TNFRSF10B: variants seen among roughly 807,000 people sequenced by gnomAD.
TNFRSF10B encodes the protein TNF receptor superfamily member 10b, also known as tumor necrosis factor receptor superfamily member 10B.
In TNFRSF10B, 35 loss-of-function variants were observed where a neutral mutation model predicts 41.4. The observed-to-expected ratio is 0.85, with a 90% CI of 0.65 to 1.12. The LOEUF is 1.12. Ranked by LOEUF, TNFRSF10B falls within the 50% of genes most tolerant of loss-of-function variation. The probability of loss-of-function intolerance (pLI) is 0.00; values close to 1 mark genes in which losing one functional copy is unlikely to be tolerated. For synonymous variants in TNFRSF10B, 230 were observed against 215.5 expected (o/e 1.07, Z -0.59); for missense variants, 584 against 552.7 (o/e 1.06, Z -0.57).
chr8:23,053,118 T>C (rs1449852445), intron 1 of TNFRSF10B, among the ~76,000 whole-genome samples: 1 of 152,218 alleles, frequency 6.6e-6, no homozygotes, highest in Non-Finnish European at 1.5e-5. Flanking sequence ...GCCTCCTAAA[T>C]GCTTTATAAA....
At chr8:23,062,463 C>T (rs1812859345) in intron 1 of TNFRSF10B, among the ~76,000 whole-genome samples, 1 of 152,246 alleles carries the variant, frequency 6.6e-6, no homozygotes, top group African/African-American at 2.4e-5. Context: ...AGCAATCCTC[C>T]TGTCTTGGCC....
chr8:23,023,497 G>A (rs1429555773), intron 8 of TNFRSF10B, among the ~76,000 whole-genome samples: 1 of 152,088 alleles, frequency 6.6e-6, no homozygotes, highest in African/African-American at 2.4e-5. Context: ...AACAGACTCT[G>A]AGCAAGAAGT....
rs1399626162 is a variant in TNFRSF10B at position 23,029,681 on chromosome 8, T to C, written c.405A>G (p.Thr135=). 6 of 1,613,864 alleles carry C rather than the reference T, an allele frequency of 3.7e-6. No homozygotes were observed. The highest frequency in any genetic ancestry group is 5.1e-6 in the Non-Finnish European group (6 of 1,179,972). ...ELSPCTTTRN[T]VCQCEEGTFR... ...AGGTGCCTTCTTCGCACTGACACAC[T>C]GTGTTTCTGGTCGTGGTGCAGGGAC... is the stretch of plus-strand genomic sequence containing the variant. Residue 135 remains threonine, a synonymous_variant, in exon 4 of 9, where the codon ACA becomes ACG. Coordinates refer to ENST00000276431, the MANE Select transcript of TNFRSF10B (RefSeq NM_003842.5).
intron 1 of TNFRSF10B, among the ~76,000 whole-genome samples, chr8:23,058,677 G>T (rs1197405522): frequency 6.6e-6 from 1 of 151,976 alleles, no homozygotes; most frequent in Non-Finnish European, 1.5e-5. Context: ...TAGAGATGGG[G>T]TTTCTCCGTG....
At chr8:23,067,813 C>T (rs1050895796) in intron 1 of TNFRSF10B, among the ~76,000 whole-genome samples, 13 of 152,324 alleles carry the variant, frequency 8.5e-5, no homozygotes, top group African/African-American at 3.1e-4. Context: ...TCCTCCTCTC[C>T]CTTCCAGCCC....
At chr8:23,036,360 T>C (rs185354264) in intron 2 of TNFRSF10B, among the ~76,000 whole-genome samples, 36 of 152,350 alleles carry the variant, frequency 2.4e-4, no homozygotes, top group African/African-American at 8.2e-4. Context: ...CAAGTGCCCA[T>C]GATCCCCACT....
At chr8:23,050,156 G>C (rs1163920030) in intron 1 of TNFRSF10B, among the ~76,000 whole-genome samples, 1 of 152,210 alleles carries the variant, frequency 6.6e-6, no homozygotes, top group African/African-American at 2.4e-5. Context: ...CCATTTATCC[G>C]GTACTGCCAA....
rs1184876094 is a variant in TNFRSF10B, at chr8:23,020,731, A to G, written c.*1940T>C. The G allele has an allele frequency of 2.0e-5, 9 of 453,958 alleles. No homozygotes were observed. The East Asian group carries it at 5.6e-4, about 28-fold the overall frequency. The allele number at this position is 453,958 out of a possible 1,614,324, so 28.1% of individuals were successfully genotyped here. A position where few individuals can be genotyped will look rare whatever the true frequency, so the allele number is the denominator to read the frequency against. ...TAAAAGAAAAATCTTAAACACTGAT[A>G]AGGCTGACACTCTAGATGCATCTTC... On this transcript the variant is annotated 3_prime_UTR_variant, in exon 9 of 9. Transcript: ENST00000276431.
intron 1 of TNFRSF10B, among the ~76,000 whole-genome samples, chr8:23,052,881 A>G (rs992149086): frequency 6.6e-6 from 1 of 152,220 alleles, no homozygotes; most frequent in Non-Finnish European, 1.5e-5. Flanking sequence ...GAAATTAGCC[A>G]TGTCCCCTAG....
At position 23,021,205 on chromosome 8, in the gene TNFRSF10B, C is replaced by T. The variant is rs1364955345; in HGVS notation, c.*1466G>A. The T allele has an allele frequency of 2.2e-6, 1 of 454,082 alleles. No homozygotes were observed. Among genetic ancestry groups the T allele is most frequent in the East Asian group, 6.9e-5 (1 of 14,398 alleles). 28.1% of individuals were successfully genotyped at this position (454,082 alleles called of 1,614,324 possible). ...CTGAGGTCTTAAAACAATAATAGAACAGGACACAAGAAGAAAACCTTAATG... is the reference window on the plus strand; with the variant it reads ...CTGAGGTCTTAAAACAATAATAGAATAGGACACAAGAAGAAAACCTTAATG... On this transcript the variant is annotated 3_prime_UTR_variant, in exon 9 of 9. Coordinates refer to ENST00000276431, the MANE Select transcript of TNFRSF10B (RefSeq NM_003842.5).
chr8:23,059,811 CTG>C (rs886570445), intron 1 of TNFRSF10B, among the ~76,000 whole-genome samples: 4 of 152,146 alleles, frequency 2.6e-5, no homozygotes, highest in African/African-American at 9.7e-5. Context: ...CGCACCCGGC[CTG>C]TGTGTGTTTT....
rs1018786893 is a variant in TNFRSF10B at position 23,020,368 on chromosome 8, C to A, written c.*2303G>T. 2 of 454,014 alleles carry A rather than the reference C, an allele frequency of 4.4e-6. No individual in the cohort carries two copies. The highest frequency in any genetic ancestry group is 8.8e-6 in the Non-Finnish European group (2 of 226,780). 28.1% of individuals were successfully genotyped at this position (454,014 alleles called of 1,614,324 possible). On this transcript the variant is annotated 3_prime_UTR_variant, in exon 9 of 9. Coordinates refer to ENST00000276431, the MANE Select transcript of TNFRSF10B (RefSeq NM_003842.5). ...CCTAATGTAACTAAACAACAAAACC[C>A]CCAATTATTTCATGTCGTCAGGAAG... is the stretch of plus-strand genomic sequence containing the variant.
intron 2 of TNFRSF10B, among the ~76,000 whole-genome samples, chr8:23,039,719 C>T (rs193261746): frequency 3.5e-4 from 53 of 152,216 alleles, no homozygotes; most frequent in African/African-American, 1.2e-3. Flanking sequence ...TCCTTAAGAT[C>T]GACGTCAGTG....
rs1811840459 is a variant in TNFRSF10B, at chr8:23,030,260, A to T, written c.364+499T>A. Among the ~76,000 whole-genome samples the T allele has an allele frequency of 2.0e-5, 3 of 152,190 alleles. No homozygotes were observed. In the South Asian group the frequency reaches 6.2e-4, roughly 31 times the overall value. The stretch of plus-strand genomic sequence containing the variant: ...CCACCCCCTTGCAGCTGACAGTTTA[A>T]AAGATTTCCTTACCATGTAGCATAC... On this transcript the variant is annotated intron_variant, in intron 3 of 8. Transcript: ENST00000276431.
In TNFRSF10B at chr8:23,030,762, AATCAC is replaced by A. The variant is rs1280802493; in HGVS notation, c.356_360del (p.Cys119PhefsTer3). The stretch of plus-strand genomic sequence containing the variant: ...ATGGGGTCCATATGTTCTGTACCTG[AATCAC>A]ACCTGGTGCAGCGCAAGCAGAAAAG... On this transcript the variant is annotated frameshift_variant, in exon 3 of 9. Coordinates refer to ENST00000276431, the MANE Select transcript of TNFRSF10B (RefSeq NM_003842.5). LOFTEE classifies it high-confidence loss of function. The A allele has an allele frequency of 6.2e-7, 1 of 1,611,298 alleles. No individual in the cohort carries two copies. The highest frequency in any genetic ancestry group is 1.1e-5 in the South Asian group (1 of 90,610).
At chr8:23,055,735 G>A (rs748073764) in intron 1 of TNFRSF10B, among the ~76,000 whole-genome samples, 3 of 152,040 alleles carry the variant, frequency 2.0e-5, no homozygotes, top group Non-Finnish European at 2.9e-5. Flanking sequence ...GAGGTTTGAA[G>A]GAACTCCCCA....
chr8:23,057,267 A>T (rs797019272), intron 1 of TNFRSF10B, among the ~76,000 whole-genome samples: 49 of 151,504 alleles, frequency 3.2e-4, no homozygotes, highest in African/African-American at 1.2e-3. Context: ...GGATGGTCTC[A>T]ATCTCCTGAC....
chr8:23,049,545 G>A (rs909874230), intron 1 of TNFRSF10B, among the ~76,000 whole-genome samples: 1 of 152,114 alleles, frequency 6.6e-6, no homozygotes, highest in Non-Finnish European at 1.5e-5. Context: ...AAGGTCTTCA[G>A]GACTCAGACC....
At chr8:23,041,057 T>G (rs1195206344) in intron 2 of TNFRSF10B, among the ~76,000 whole-genome samples, 1 of 53,294 alleles carries the variant, frequency 1.9e-5, no homozygotes, top group Non-Finnish European at 2.9e-5. Context: ...ATAATTTTTT[T>G]TTTGTTGTTT....
Sources: allele counts gnomAD v4.1 joint callset (sites outside exome capture counted in the v4.1 genomes callset), GRCh38; gene constraint gnomAD v4.1.1; transcripts MANE v1.5; gene names NCBI Gene and HGNC (gene_info 2026-07-23, HGNC 2026-07-21).